The following ACOXL variants were observed in gnomAD, a reference collection of about 807,000 sequenced individuals.
ACOXL encodes the protein acyl-coenzyme A oxidase-like protein.
In ACOXL, 70 loss-of-function variants were observed where a neutral mutation model predicts 71.9. The ratio of observed to expected loss-of-function variants is 0.97; its 90% CI spans 0.80 to 1.19. The LOEUF (loss-of-function observed/expected upper bound fraction) is 1.19, where lower values mean the gene tolerates loss of function less well. ACOXL is among the 50% of genes most tolerant of loss of function. The probability of loss-of-function intolerance (pLI) is 0.00; values close to 1 mark genes in which losing one functional copy is unlikely to be tolerated. For synonymous variants in ACOXL, 253 were observed against 281.6 expected (o/e 0.90, Z 1.02); for missense variants, 703 against 736.3 (o/e 0.95, Z 0.52).
chr2:110,964,143 C>T (rs2061828076), intron 12 of ACOXL, among the ~76,000 whole-genome samples: 1 of 152,162 alleles, frequency 6.6e-6, no homozygotes, highest in African/African-American at 2.4e-5. Context: ...ATGTTGAAGT[C>T]CCCATGTTGG....
At chr2:110,746,879 A>T (rs1678294829) in intron 1 of ACOXL, among the ~76,000 whole-genome samples, 1 of 150,336 alleles carries the variant, frequency 6.7e-6, no homozygotes, top group South Asian at 2.1e-4. Context: ...AAAGCTTACT[A>T]GTCTCCAAAA....
chr2:111,090,556 G>T (rs921224938), intron 16 of ACOXL, among the ~76,000 whole-genome samples: 1 of 152,172 alleles, frequency 6.6e-6, no homozygotes, highest in African/African-American at 2.4e-5. Context: ...GTGGCCCTGA[G>T]AATCAGGTAC....
chr2:110,767,385 G>T (rs1479521451), intron 1 of ACOXL, among the ~76,000 whole-genome samples: 1 of 152,154 alleles, frequency 6.6e-6, no homozygotes. Context: ...GTCAGGTCTG[G>T]CTTCCTTGCA....
chr2:110,787,649 G>A (rs1231778262), intron 3 of ACOXL, among the ~76,000 whole-genome samples: 1 of 151,546 alleles, frequency 6.6e-6, no homozygotes, highest in Non-Finnish European at 1.5e-5. Flanking sequence ...TCTAATCCTT[G>A]ATGTTGCCCA....
chr2:110,870,709 C>A (rs1257734763), intron 10 of ACOXL, among the ~76,000 whole-genome samples: 6 of 152,214 alleles, frequency 3.9e-5, no homozygotes, highest in Admixed American at 3.9e-4. Flanking sequence ...TCTCACCTGC[C>A]ACCTGTGGGT....
At chr2:111,019,024 C>G (rs1320383578) in intron 14 of ACOXL, among the ~76,000 whole-genome samples, 2 of 152,174 alleles carry the variant, frequency 1.3e-5, no homozygotes, top group Non-Finnish European at 2.9e-5. Flanking sequence ...GATCTTGAGG[C>G]CTAATTTCTT....
At chr2:110,816,674 T>A (rs1218619669) in intron 9 of ACOXL, among the ~76,000 whole-genome samples, 1 of 152,176 alleles carries the variant, frequency 6.6e-6, no homozygotes, top group Non-Finnish European at 1.5e-5. Context: ...GATACACAGG[T>A]CCGGGGATGG....
intron 9 of ACOXL, among the ~76,000 whole-genome samples, chr2:110,818,523 GTATATA>G (rs10606341): frequency 2.0e-5 from 3 of 148,982 alleles, no homozygotes; most frequent in Non-Finnish European, 3.0e-5. Context: ...GTGTATGTGT[GTATATA>G]TATATGTGTA....
rs764844039 is a variant in ACOXL, at chr2:110,793,633, A to AT, written c.160-15dup. ...CTGACTGTTGCTAATGATGGTTTGT[A>AT]TTGTCCTTGTTTCCAGTGCGGAATA... is the stretch of plus-strand genomic sequence containing the variant. On this transcript the variant is annotated splice_polypyrimidine_tract_variant and intron_variant, in intron 3 of 17. Transcript: ENST00000439055. 1.2e-6 allele frequency: 2 copies of AT among 1,609,268 alleles called. No homozygotes were observed. The highest frequency in any genetic ancestry group is 1.7e-6 in the Non-Finnish European group (2 of 1,175,706).
intron 10 of ACOXL, among the ~76,000 whole-genome samples, chr2:110,893,945 G>A (rs116000510): frequency 0.033 from 4,954 of 152,162 alleles, 107 homozygotes; most frequent in Middle Eastern, 0.11. Context: ...TATGTGTTAC[G>A]TATTAACATC....
Position 110,917,300 on chromosome 2 carries a change from A to C in ACOXL, c.905+8395A>C, listed in dbSNP as rs551088012. Among the ~76,000 whole-genome samples, 4 of 152,340 alleles carry C rather than the reference A, an allele frequency of 2.6e-5. No homozygotes were observed. In the South Asian group the frequency reaches 8.3e-4, roughly 32 times the overall value. The stretch of plus-strand genomic sequence containing the variant: ...TCACATAAACCGAACCAATGACAAA[A>C]ACCACATGATTATCTCAATAGATGC... On this transcript the variant is annotated intron_variant, in intron 11 of 17. Transcript: ENST00000439055.
At chr2:110,857,677 A>G (rs1472941298) in intron 10 of ACOXL, among the ~76,000 whole-genome samples, 1 of 152,114 alleles carries the variant, frequency 6.6e-6, no homozygotes, top group Non-Finnish European at 1.5e-5. Flanking sequence ...ATCTCTGGCT[A>G]GAGTATTTTA....
intron 3 of ACOXL, among the ~76,000 whole-genome samples, chr2:110,790,463 C>G (rs1396346155): frequency 6.6e-6 from 1 of 152,134 alleles, no homozygotes; most frequent in East Asian, 1.9e-4. Context: ...ATCATTACCT[C>G]GTGTGCTCGA....
At chr2:110,832,544 C>CAAA (rs769471148) in intron 9 of ACOXL, among the ~76,000 whole-genome samples, 8 of 44,168 alleles carry the variant, frequency 1.8e-4, no homozygotes, top group African/African-American at 2.6e-4. Flanking sequence ...GACTCCATCT[C>CAAA]AAAAAAAAAA....
chr2:111,106,268 A>G (rs1222629482), intron 17 of ACOXL, among the ~76,000 whole-genome samples: 2 of 152,072 alleles, frequency 1.3e-5, no homozygotes, highest in South Asian at 2.1e-4. Flanking sequence ...CAGTTCACCA[A>G]TTCCTTCCAC....
At chr2:110,990,756 C>T (rs1030049759) in intron 13 of ACOXL, among the ~76,000 whole-genome samples, 10 of 152,084 alleles carry the variant, frequency 6.6e-5, no homozygotes, top group East Asian at 3.8e-4. Flanking sequence ...TCTGTTGAAA[C>T]GATCATATAT....
intron 12 of ACOXL, among the ~76,000 whole-genome samples, chr2:110,976,387 C>G (rs2062447210): frequency 6.6e-6 from 1 of 152,168 alleles, no homozygotes. Context: ...GCCTACAGGT[C>G]TAGGATAAAA....
intron 12 of ACOXL, among the ~76,000 whole-genome samples, chr2:110,981,978 A>G (rs1203149171): frequency 6.6e-6 from 1 of 152,248 alleles, no homozygotes; most frequent in African/African-American, 2.4e-5. Flanking sequence ...CTAACTGGAA[A>G]GAGACACCAA....
intron 7 of ACOXL, among the ~76,000 whole-genome samples, chr2:110,800,649 A>G (rs1053471793): frequency 4.6e-5 from 7 of 152,120 alleles, no homozygotes; most frequent in African/African-American, 1.7e-4. Context: ...AGAAGAAAAA[A>G]AAGAAGGAAG....
Sources: gnomAD v4.1 joint callset for allele counts (sites outside exome capture counted in the v4.1 genomes callset) on GRCh38, gnomAD v4.1.1 for gene constraint, MANE v1.5 for transcripts, NCBI Gene and HGNC (gene_info 2026-07-23, HGNC 2026-07-21) for gene names.